TANC2: variants seen among roughly 807,000 people sequenced by gnomAD.
The protein encoded by TANC2 is tetratricopeptide repeat, ankyrin repeat and coiled-coil containing 2, also known as protein TANC2.
A neutral mutation model predicts 210.5 loss-of-function variants in TANC2; 26 were observed. The ratio of observed to expected loss-of-function variants is 0.12; its 90% CI spans 0.09 to 0.17. The LOEUF (loss-of-function observed/expected upper bound fraction) is 0.17, where lower values mean the gene tolerates loss of function less well. TANC2 is among the 10% of genes least tolerant of loss of function. The pLI is 1.00. For missense variants in TANC2, 2,129 were observed against 2,608.9 expected, an observed-to-expected ratio of 0.82 and a Z score of 4.01; for synonymous variants, 931 against 967.1, an observed-to-expected ratio of 0.96 and a Z score of 0.69.
intron 11 of TANC2, chr17:63,332,502 C>A: frequency 4.9e-6 from 2 of 407,042 alleles, no homozygotes; most frequent in Non-Finnish European, 4.9e-6. Flanking sequence ...GCCTCCTTTG[C>A]AATCAGCCCC....
intron 2 of TANC2, among the ~76,000 whole-genome samples, chr17:63,061,571 A>G (rs1474256458): frequency 7.9e-5 from 12 of 152,150 alleles, no homozygotes; most frequent in Non-Finnish European, 5.9e-5. Flanking sequence ...CCATGTATAT[A>G]TGTCTATGTA....
At chr17:63,082,659 G>A (rs995951603) in intron 3 of TANC2, among the ~76,000 whole-genome samples, 3 of 152,132 alleles carry the variant, frequency 2.0e-5, no homozygotes, top group Admixed American at 6.5e-5. Context: ...CTGTCCCCCG[G>A]CACATGTATG....
At chr17:63,387,359 G>C (rs2047818698) in intron 15 of TANC2, among the ~76,000 whole-genome samples, 1 of 152,076 alleles carries the variant, frequency 6.6e-6, no homozygotes, top group Non-Finnish European at 1.5e-5. Context: ...CCACTTTAGA[G>C]ACCCTGAACT....
intron 1 of TANC2, among the ~76,000 whole-genome samples, chr17:62,996,003 G>T (rs540573660): frequency 6.6e-6 from 1 of 152,192 alleles, no homozygotes; most frequent in Non-Finnish European, 1.5e-5. Context: ...CTTAAAGAAG[G>T]CCTTTCTTGA....
At chr17:63,405,216 A>G (rs752104449) in exon 20 of TANC2, 2 of 1,608,440 alleles carry the variant, frequency 1.2e-6, no homozygotes, top group Non-Finnish European at 1.7e-6. Context: ...GCCGAGGAGC[A>G]GTGCCACTAT....
At chr17:63,398,780 T>G (rs1382386439) in intron 18 of TANC2, 41 bp from the exon 19 acceptor site, 3 of 1,445,922 alleles carry the variant, frequency 2.1e-6, no homozygotes, top group Admixed American at 2.0e-5. Flanking sequence ...GTAGCATAGT[T>G]TTCCACCTGA....
Position 63,340,418 on chromosome 17 carries a change from T to C in TANC2, c.1807+86T>C. ...CATACTATAAAAATGATTGATTTTA[T>C]CACATTGCCAAAACTAAATGTTCCA... On this transcript the variant is annotated intron_variant, in intron 12 of 27. Coordinates refer to ENST00000689528, the Ensembl canonical transcript of TANC2. 2.7e-6 allele frequency: 3 copies of C among 1,127,266 alleles called. No individual in the cohort carries two copies. In the South Asian group the frequency reaches 4.4e-5, roughly 17 times the overall value. 69.8% of individuals were successfully genotyped at this position (1,127,266 alleles called of 1,614,324 possible).
At chr17:63,147,183 A>G (rs2039490748) in intron 4 of TANC2, among the ~76,000 whole-genome samples, 2 of 148,090 alleles carry the variant, frequency 1.4e-5, no homozygotes, top group Middle Eastern at 3.4e-3. Flanking sequence ...AAAAAAAAGA[A>G]ATAACGAAAA....
chr17:63,193,860 C>A, intron 5 of TANC2, 131 bp from the exon 6 acceptor site: 2 of 1,064,286 alleles, frequency 1.9e-6, no homozygotes, highest in Admixed American at 3.6e-5. Flanking sequence ...CAAGAAAAAC[C>A]TCATAACTTT....
At chr17:63,031,876 C>G (rs981515031) in intron 2 of TANC2, among the ~76,000 whole-genome samples, 14 of 152,110 alleles carry the variant, frequency 9.2e-5, no homozygotes, top group Non-Finnish European at 2.9e-5. Context: ...CAATCTCAGA[C>G]TGGAGGGAAA....
At chr17:63,040,202 C>G (rs1162429019) in intron 2 of TANC2, among the ~76,000 whole-genome samples, 7 of 152,106 alleles carry the variant, frequency 4.6e-5, no homozygotes, top group Admixed American at 2.0e-4. Context: ...ATGATTACCT[C>G]TTTTATGAAA....
chr17:63,093,248 T>C (rs1210380596), intron 3 of TANC2, among the ~76,000 whole-genome samples: 1 of 151,950 alleles, frequency 6.6e-6, no homozygotes, highest in Non-Finnish European at 1.5e-5. Context: ...TATAGTTTTT[T>C]TTTTTAACAT....
At chr17:63,399,647 A>G (rs1010648309) in intron 19 of TANC2, among the ~76,000 whole-genome samples, 2 of 152,228 alleles carry the variant, frequency 1.3e-5, no homozygotes, top group African/African-American at 4.8e-5. Flanking sequence ...AACCCCAGAT[A>G]TGTGTGATAT....
chr17:63,132,249 T>G (rs2038944589), intron 4 of TANC2, among the ~76,000 whole-genome samples: 1 of 152,168 alleles, frequency 6.6e-6, no homozygotes. Context: ...GGATTTTTTT[T>G]TTTCGAATCT....
chr17:63,012,807 G>T (rs772276602), intron 2 of TANC2, among the ~76,000 whole-genome samples: 2 of 151,834 alleles, frequency 1.3e-5, no homozygotes, highest in Admixed American at 6.6e-5. Context: ...GCATACCACC[G>T]CACCTGGCTA....
intron 7 of TANC2, among the ~76,000 whole-genome samples, chr17:63,201,864 A>G (rs749262143): frequency 6.6e-6 from 1 of 152,080 alleles, no homozygotes; most frequent in African/African-American, 2.4e-5. Flanking sequence ...ATCATCATTT[A>G]TATGTATTGT....
At chr17:63,393,775 TA>T (rs376140885) in intron 17 of TANC2, among the ~76,000 whole-genome samples, 19,843 of 134,044 alleles carry the variant, frequency 0.15, 1,613 homozygotes, top group Middle Eastern at 0.2. Context: ...TTATTATTAT[TA>T]TTTTTTTTTT....
intron 5 of TANC2, among the ~76,000 whole-genome samples, chr17:63,158,071 AGTTGT>A (rs1032975381): frequency 1.6e-4 from 25 of 152,162 alleles, no homozygotes; most frequent in Non-Finnish European, 3.5e-4. Context: ...ATAAATACTA[AGTTGT>A]GTTGTGTGTA....
intron 7 of TANC2, among the ~76,000 whole-genome samples, chr17:63,212,227 A>C (rs189397915): frequency 6.6e-6 from 1 of 152,280 alleles, no homozygotes; most frequent in Admixed American, 6.5e-5. Context: ...GTACAAGATG[A>C]AACTTTATTG....
Sources: gnomAD v4.1 joint callset for allele counts (sites outside exome capture counted in the v4.1 genomes callset) on GRCh38, gnomAD v4.1.1 for gene constraint, MANE v1.5 for transcripts, NCBI Gene and HGNC (gene_info 2026-07-23, HGNC 2026-07-21) for gene names.